Variants in KRT8 observed in about 807,000 individuals in gnomAD.
The protein encoded by KRT8 is keratin, type II cytoskeletal 8.
Under a neutral mutation model 43.0 loss-of-function variants are expected in KRT8, and 24 were observed. The ratio of observed to expected loss-of-function variants is 0.56; its 90% confidence interval spans 0.40 to 0.78. KRT8 has a LOEUF of 0.78. Among genes scored for constraint, KRT8 ranks in the 30% least tolerant of loss-of-function variants. The pLI is 0.00. For missense variants in KRT8, 492 were observed against 638.4 expected (o/e 0.77, Z 2.47); for synonymous variants, 214 against 261.2 (o/e 0.82, Z 1.74).
upstream of KRT8, among the ~76,000 whole-genome samples, chr12:52,911,490 G>A (rs114198947): frequency 0.01 from 1,579 of 152,308 alleles, 18 homozygotes; most frequent in African/African-American, 0.034. Flanking sequence ...ATCAGGGGGA[G>A]ACAGACAGAC....
intron 5 of KRT8, 117 bp downstream of exon 5, chr12:52,899,658 C>T (rs1941312646): frequency 1.1e-6 from 1 of 908,398 alleles, no homozygotes; most frequent in Non-Finnish European, 1.7e-6. Context: ...CCCTCCAACT[C>T]CTGAACCCTG....
intron 2 of KRT8, among the ~76,000 whole-genome samples, chr12:52,914,661 C>T (rs1398270474): frequency 1.3e-5 from 2 of 152,196 alleles, no homozygotes; most frequent in Admixed American, 6.5e-5. Flanking sequence ...TTCTTGATTG[C>T]AAGTGGCTGA....
At chr12:52,935,393 A>G (rs1233647011) in intron 2 of KRT8, among the ~76,000 whole-genome samples, 3 of 143,422 alleles carry the variant, frequency 2.1e-5, no homozygotes. Context: ...AAAAAAAAAA[A>G]AAAAAAAAAA....
At chr12:52,943,487 T>G (rs1489557426) in intron 2 of KRT8, among the ~76,000 whole-genome samples, 3 of 152,182 alleles carry the variant, frequency 2.0e-5, no homozygotes, top group Admixed American at 1.3e-4. Flanking sequence ...TGTCTCTTCC[T>G]CTTCTTCTTG....
At chr12:52,905,248 A>C (rs1233145903), upstream of KRT8, among the ~76,000 whole-genome samples, 1 of 152,080 alleles carries the variant, frequency 6.6e-6, no homozygotes, top group African/African-American at 2.4e-5. Flanking sequence ...CCAACCCTGG[A>C]GCCCACTCCA....
intron 4 of KRT8, 45 bp from the exon 5 acceptor site, chr12:52,900,110 A>G: frequency 1.2e-6 from 2 of 1,600,724 alleles, no homozygotes; most frequent in Non-Finnish European, 1.7e-6. Flanking sequence ...CTCTGCACAC[A>G]GGGAGCCCCC....
intron 2 of KRT8, among the ~76,000 whole-genome samples, chr12:52,942,774 G>A (rs753478751): frequency 6.6e-6 from 1 of 152,022 alleles, no homozygotes; most frequent in Non-Finnish European, 1.5e-5. Context: ...TCATCATGAA[G>A]CCATGTTGTG....
chr12:52,925,963 T>C (rs1392116027), intron 2 of KRT8, among the ~76,000 whole-genome samples: 1 of 149,562 alleles, frequency 6.7e-6, no homozygotes, highest in Non-Finnish European at 1.5e-5. Context: ...TCTCATGTTC[T>C]CTGTGTCCCT....
At chr12:52,948,449 A>T (rs1484220727) in intron 2 of KRT8, 1 of 153,224 alleles carries the variant, frequency 6.5e-6, no homozygotes, top group Non-Finnish European at 1.4e-5. Flanking sequence ...AGGGACTCAC[A>T]GGCCATTCCA....
At chr12:52,937,236 C>A (rs1425655668) in intron 2 of KRT8, among the ~76,000 whole-genome samples, 1 of 151,058 alleles carries the variant, frequency 6.6e-6, no homozygotes, top group Non-Finnish European at 1.5e-5. Context: ...CCTGGTGTGG[C>A]AGCATGCACC....
rs574842606 is a variant in KRT8 at position 52,913,057 on chromosome 12, G to A, written c.-46-8030C>T. ...CCTGCCTGCCTTGGGTTGAGGCTTG[G>A]GATCAAGGGCACTCATCAGACCTGG... On this transcript the variant is annotated intron_variant, in intron 2 of 6. Coordinates refer to the KRT8 transcript ENST00000546826. 5.9e-5 allele frequency among the ~76,000 whole-genome samples: 9 copies of A among 152,318 alleles called. No homozygotes were observed. The South Asian group carries it at 1.0e-3, about 18-fold the overall frequency.
chr12:52,918,504 AG>A (rs1314587490), intron 2 of KRT8, among the ~76,000 whole-genome samples: 5 of 152,226 alleles, frequency 3.3e-5, no homozygotes, highest in Non-Finnish European at 7.3e-5. Flanking sequence ...GACGCCGCGC[AG>A]GTGCAGCTGC....
intron 2 of KRT8, among the ~76,000 whole-genome samples, chr12:52,938,186 A>ATATAAGGTCT (rs1942210588): frequency 3.2e-5 from 2 of 61,976 alleles, no homozygotes; most frequent in South Asian, 5.3e-4. Context: ...TTTTTTTTTT[A>ATATAAGGTCT]TATATAAGGT....
exon 3 of KRT8, chr12:52,901,217 T>C: frequency 1.2e-6 from 2 of 1,607,148 alleles, no homozygotes; most frequent in Non-Finnish European, 1.7e-6. Flanking sequence ...CTCATCCTCA[T>C]ACCTGTGAGG....
chr12:52,901,391 C>T, intron 2 of KRT8, 172 bp from the exon 3 acceptor site: 1 of 672,754 alleles, frequency 1.5e-6, no homozygotes, highest in Admixed American at 2.1e-5. Context: ...CCTCACCCCT[C>T]CCTTAGCCCG....
intron 2 of KRT8, among the ~76,000 whole-genome samples, chr12:52,912,668 C>G (rs1023168824): frequency 2.6e-5 from 4 of 152,224 alleles, no homozygotes; most frequent in African/African-American, 9.6e-5. Context: ...CTGCAGTCGC[C>G]TGGCCTCCAT....
chr12:52,897,676 A>G lies in KRT8; in HGVS notation c.1262-58T>C, dbSNP rs1941249424. On this transcript the variant is annotated intron_variant, in intron 7 of 7. Coordinates refer to ENST00000692008, the Ensembl canonical transcript of KRT8. Reference sequence around the variant, plus strand: ...AGAAGCCCACCCCATGGCAGGCTCCATGCCCCTTCTCCCTGCTCATTCCCA... The same window carrying G: ...AGAAGCCCACCCCATGGCAGGCTCCGTGCCCCTTCTCCCTGCTCATTCCCA... The G allele has an allele frequency of 3.8e-6, 6 of 1,595,980 alleles. No homozygotes were observed. In the South Asian group the frequency reaches 5.5e-5, roughly 15 times the overall value.
chr12:52,919,321 T>C (rs1269636606), intron 2 of KRT8, among the ~76,000 whole-genome samples: 1 of 152,114 alleles, frequency 6.6e-6, no homozygotes, highest in Non-Finnish European at 1.5e-5. Context: ...GGAGTGCATG[T>C]AGTGGCACTA....
At chr12:52,920,711 G>A (rs1375384958) in intron 2 of KRT8, among the ~76,000 whole-genome samples, 1 of 152,110 alleles carries the variant, frequency 6.6e-6, no homozygotes, top group Non-Finnish European at 1.5e-5. Flanking sequence ...AGTATATGAT[G>A]AACGAATTCA....
Sources: allele counts gnomAD v4.1 joint callset (sites outside exome capture counted in the v4.1 genomes callset), GRCh38; gene constraint gnomAD v4.1.1; transcripts MANE v1.5; gene names NCBI Gene and HGNC (gene_info 2026-07-23, HGNC 2026-07-21).